TMEM132D: variants seen among roughly 807,000 people sequenced by gnomAD.
TMEM132D encodes mature OL transmembrane protein.
Under a neutral mutation model 62.3 loss-of-function variants are expected in TMEM132D, and 21 were observed. The ratio of observed to expected loss-of-function variants is 0.34; its 90% confidence interval spans 0.24 to 0.49. The LOEUF is 0.49. Among genes scored for constraint, TMEM132D ranks in the 20% least tolerant of loss-of-function variants. The pLI, the probability that TMEM132D is intolerant of heterozygous loss-of-function variation, is 0.99. For missense variants in TMEM132D, 1,346 were observed against 1,402.8 expected (o/e 0.96, Z 0.65); for synonymous variants, 621 against 575.6 (o/e 1.08, Z -1.13).
At chr12:129,784,173 T>C (rs61943431) in intron 1 of TMEM132D, among the ~76,000 whole-genome samples, 9,071 of 152,300 alleles carry the variant, frequency 0.06, 321 homozygotes, top group East Asian at 0.1. Flanking sequence ...ACCTGGTAAC[T>C]GAGGCCATCC....
chr12:129,089,390 C>CG (rs771383105), intron 5 of TMEM132D, among the ~76,000 whole-genome samples: 1 of 57,338 alleles, frequency 1.7e-5, no homozygotes, highest in African/African-American at 1.2e-4. Context: ...CCTCCATGAC[C>CG]GGGTGTCCTC....
rs139799466 is a variant in TMEM132D, at chr12:129,295,029, G to T, written c.1299+42605C>A. 3.0e-4 allele frequency among the ~76,000 whole-genome samples: 45 copies of T among 152,268 alleles called. No homozygotes were observed. In the East Asian group the frequency reaches 8.3e-3, roughly 28 times the overall value. On this transcript the variant is annotated intron_variant, in intron 4 of 8. Transcript: ENST00000422113. ...TTTGATGAGATGAACTTTGAGTAAA[G>T]CAAATTGCCCTCCATAATGTGGGTG...
At chr12:129,260,240 A>G (rs770999170) in intron 4 of TMEM132D, among the ~76,000 whole-genome samples, 5 of 152,196 alleles carry the variant, frequency 3.3e-5, no homozygotes, top group African/African-American at 4.8e-5. Context: ...GAGAGAACAT[A>G]GTATGTCTGA....
At chr12:129,462,266 G>C (rs34614588) in intron 3 of TMEM132D, among the ~76,000 whole-genome samples, 33,333 of 152,052 alleles carry the variant, frequency 0.22, 3,910 homozygotes, top group East Asian at 0.34. Context: ...GACGCACTTA[G>C]GAAGCACACT....
intron 3 of TMEM132D, among the ~76,000 whole-genome samples, chr12:129,446,065 T>G (rs1873089426): frequency 6.6e-6 from 1 of 152,106 alleles, no homozygotes; most frequent in Non-Finnish European, 1.5e-5. Flanking sequence ...TTGAGCAAGG[T>G]GGCTCCCTGC....
At chr12:129,443,782 T>C in intron 3 of TMEM132D, among the ~76,000 whole-genome samples, 1 of 152,222 alleles carries the variant, frequency 6.6e-6, no homozygotes, top group Non-Finnish European at 1.5e-5. Flanking sequence ...CAGATCTGAA[T>C]ATGAGTGTGC....
At chr12:129,780,864 G>A (rs949390996) in intron 1 of TMEM132D, among the ~76,000 whole-genome samples, 23 of 152,244 alleles carry the variant, frequency 1.5e-4, no homozygotes, top group African/African-American at 4.8e-4. Flanking sequence ...ATGTTTCTGG[G>A]GAGACAGCTG....
chr12:129,360,205 C>T (rs1870202463), intron 3 of TMEM132D, among the ~76,000 whole-genome samples: 1 of 152,052 alleles, frequency 6.6e-6, no homozygotes, highest in Admixed American at 6.5e-5. Context: ...AGAGACACAC[C>T]CCACAACCTC....
chr12:129,622,814 C>T (rs1879110285), intron 2 of TMEM132D, among the ~76,000 whole-genome samples: 1 of 152,094 alleles, frequency 6.6e-6, no homozygotes, highest in Non-Finnish European at 1.5e-5. Flanking sequence ...TAGAGTGACC[C>T]ATTGTCATTG....
chr12:129,463,967 TA>T (rs1566077791), intron 3 of TMEM132D, among the ~76,000 whole-genome samples: 1 of 150,114 alleles, frequency 6.7e-6, no homozygotes, highest in Admixed American at 6.7e-5. Context: ...CAGCATGATT[TA>T]TAGTCCTTTG....
At chr12:129,265,884 C>T (rs113527441) in intron 4 of TMEM132D, among the ~76,000 whole-genome samples, 3,772 of 152,188 alleles carry the variant, frequency 0.025, 138 homozygotes, top group African/African-American at 0.082. Context: ...TACTTTGTAG[C>T]ACACATCCCT....
At chr12:129,746,837 C>A (rs1869796688) in intron 1 of TMEM132D, among the ~76,000 whole-genome samples, 1 of 152,104 alleles carries the variant, frequency 6.6e-6, no homozygotes, top group African/African-American at 2.4e-5. Flanking sequence ...CAGCAGACAG[C>A]AACTCTATCC....
intron 2 of TMEM132D, among the ~76,000 whole-genome samples, chr12:129,673,617 G>A (rs934630749): frequency 3.3e-5 from 5 of 152,180 alleles, no homozygotes; most frequent in African/African-American, 1.2e-4. Flanking sequence ...GCAAAATGGT[G>A]TTGGAATTAC....
intron 5 of TMEM132D, among the ~76,000 whole-genome samples, chr12:129,101,999 TC>T (rs201384392): frequency 0.12 from 15,550 of 127,884 alleles, 2,931 homozygotes; most frequent in African/African-American, 0.42. Context: ...TTTTTTTTTT[TC>T]TCTCTCTCTC....
At chr12:129,721,295 G>A (rs968056023) in intron 1 of TMEM132D, among the ~76,000 whole-genome samples, 3 of 152,138 alleles carry the variant, frequency 2.0e-5, no homozygotes, top group Admixed American at 1.3e-4. Context: ...AGGACTGCCT[G>A]TCCACCAAGG....
rs375120719 is a variant in TMEM132D, at chr12:129,811,558, CA to C, written c.79+91702del. On this transcript the variant is annotated intron_variant, in intron 1 of 8. Coordinates refer to ENST00000422113, the MANE Select transcript of TMEM132D (RefSeq NM_133448.3). ...TCCAAGAAGGCTCCTGACCAAATCCCAGGGCCTGTGCGTACAAAGATGCCAC... is the reference window on the plus strand; with the variant it reads ...TCCAAGAAGGCTCCTGACCAAATCCCGGGCCTGTGCGTACAAAGATGCCAC... Among the ~76,000 whole-genome samples the C allele has an allele frequency of 4.0e-5, 6 of 151,804 alleles. 1 individual carries two copies. The East Asian group carries it at 7.8e-4, about 20-fold the overall frequency.
chr12:129,615,181 T>G (rs1878880776), intron 2 of TMEM132D, among the ~76,000 whole-genome samples: 2 of 152,148 alleles, frequency 1.3e-5, no homozygotes. Flanking sequence ...ATACACTGAA[T>G]TATTTCACTC....
chr12:129,507,420 T>C (rs917373372), intron 3 of TMEM132D, among the ~76,000 whole-genome samples: 1 of 152,214 alleles, frequency 6.6e-6, no homozygotes, highest in Non-Finnish European at 1.5e-5. Flanking sequence ...TGCATGTTTA[T>C]AGCAGCACAA....
intron 1 of TMEM132D, among the ~76,000 whole-genome samples, chr12:129,704,255 T>C (rs974691616): frequency 6.6e-6 from 1 of 152,218 alleles, no homozygotes. Flanking sequence ...GTCCGCTGAG[T>C]AGATAGCTGT....
Sources: allele counts gnomAD v4.1 joint callset (sites outside exome capture counted in the v4.1 genomes callset), GRCh38; gene constraint gnomAD v4.1.1; transcripts MANE v1.5; gene names NCBI Gene and HGNC (gene_info 2026-07-23, HGNC 2026-07-21).